Variants in CPPED1 observed in about 807,000 individuals in gnomAD.
The protein encoded by CPPED1 is calcineurin like phosphoesterase domain containing 1.
CPPED1 carries 28 observed loss-of-function variants against 28.0 expected under a neutral mutation model. The observed-to-expected ratio is 1.00, with a 90% CI of 0.74 to 1.37. CPPED1 has a LOEUF of 1.37. CPPED1 is among the 40% of genes most tolerant of loss of function. The pLI is 0.00. For synonymous variants in CPPED1, 198 were observed against 180.2 expected (o/e 1.10, Z -0.79); for missense variants, 504 against 416.5 (o/e 1.21, Z -1.83).
At chr16:12,730,674 A>G (rs2080192547) in intron 2 of CPPED1, among the ~76,000 whole-genome samples, 1 of 152,240 alleles carries the variant, frequency 6.6e-6, no homozygotes, top group Non-Finnish European at 1.5e-5. Flanking sequence ...ACATACAGCG[A>G]AAGAAGCCAG....
intron 1 of CPPED1, among the ~76,000 whole-genome samples, chr16:12,782,022 GGA>G: frequency 6.6e-6 from 1 of 152,110 alleles, no homozygotes; most frequent in East Asian, 1.9e-4. Context: ...AAAGGCAGTA[GGA>G]TGTGGGCATC....
At chr16:12,735,813 T>A (rs1323504452) in intron 2 of CPPED1, among the ~76,000 whole-genome samples, 1 of 152,306 alleles carries the variant, frequency 6.6e-6, no homozygotes, top group East Asian at 1.9e-4. Context: ...CCGTGAGAAG[T>A]CTCTCTCTGT....
intron 2 of CPPED1, among the ~76,000 whole-genome samples, chr16:12,758,645 T>G (rs2080388149): frequency 6.6e-6 from 1 of 152,168 alleles, no homozygotes; most frequent in Non-Finnish European, 1.5e-5. Context: ...ACCCAGACTC[T>G]TCACCATTAG....
chr16:12,719,065 G>A (rs2080123617), intron 2 of CPPED1, among the ~76,000 whole-genome samples: 1 of 152,064 alleles, frequency 6.6e-6, no homozygotes, highest in Non-Finnish European at 1.5e-5. Context: ...AAGGGAGAAT[G>A]AGAACCAAGA....
intron 3 of CPPED1, among the ~76,000 whole-genome samples, chr16:12,694,880 C>A (rs533591432): frequency 6.6e-6 from 1 of 151,986 alleles, no homozygotes; most frequent in Admixed American, 6.6e-5. Context: ...CAGCTTCAAG[C>A]GATTCTCCTG....
At chr16:12,767,286 C>A (rs908462615) in intron 2 of CPPED1, among the ~76,000 whole-genome samples, 1 of 152,134 alleles carries the variant, frequency 6.6e-6, no homozygotes, top group Non-Finnish European at 1.5e-5. Flanking sequence ...GACGTCTCAG[C>A]TCAAACAGGA....
chr16:12,779,843 T>C (rs1350810870), intron 2 of CPPED1, among the ~76,000 whole-genome samples: 1 of 152,100 alleles, frequency 6.6e-6, no homozygotes, highest in Admixed American at 6.5e-5. Context: ...AAGGTACAAC[T>C]AGCCCCAGAC....
chr16:12,677,653 A>G (rs991892548), intron 3 of CPPED1, among the ~76,000 whole-genome samples: 3 of 152,206 alleles, frequency 2.0e-5, no homozygotes, highest in Non-Finnish European at 4.4e-5. Context: ...AAAAAGAAAA[A>G]AGGAAGTGCC....
Position 12,781,260 on chromosome 16 carries a change from C to T in CPPED1, c.214G>A (p.Val72Ile), listed in dbSNP as rs78875866. The T allele has an allele frequency of 4.8e-4, 771 of 1,614,150 alleles. 17 individuals are homozygous for T. In the East Asian group the frequency reaches 0.015, roughly 31 times the overall value. The change falls in exon 2 of 4, where the codon GTC becomes ATC. Residue 72 changes from valine to isoleucine, a missense_variant. Transcript: ENST00000381774. ...EQEIRLTEQA[V>I]QAINKLNPKP... ...GGGTTCAGCTTGTTGATGGCCTGGACGGCTTGCTCAGTTAGACGGATCTCC... is the reference window on the plus strand; with the variant it reads ...GGGTTCAGCTTGTTGATGGCCTGGATGGCTTGCTCAGTTAGACGGATCTCC...
rs754051411 is a variant in CPPED1, at chr16:12,660,135, T to A, written c.*4751A>T. ...GGTGGAGACACAGAGCCAAACCATATCAAGCAGGAAGGCCACTTTCAGGGG... is the reference window on the plus strand; with the variant it reads ...GGTGGAGACACAGAGCCAAACCATAACAAGCAGGAAGGCCACTTTCAGGGG... On this transcript the variant is annotated 3_prime_UTR_variant, in exon 4 of 4. Transcript: ENST00000381774. 4 of 152,104 alleles carry A rather than the reference T, an allele frequency of 2.6e-5. No individual in the cohort carries two copies. The highest frequency in any genetic ancestry group is 5.9e-5 in the Non-Finnish European group (4 of 68,044). 9.4% of individuals were successfully genotyped at this position (152,104 alleles called of 1,614,324 possible).
At chr16:12,674,801 C>T (rs1016096739) in intron 3 of CPPED1, among the ~76,000 whole-genome samples, 7 of 152,148 alleles carry the variant, frequency 4.6e-5, no homozygotes, top group African/African-American at 1.4e-4. Flanking sequence ...ACCTTGGACC[C>T]ATTACTGACC....
At chr16:12,681,471 A>G (rs2079904552) in intron 3 of CPPED1, among the ~76,000 whole-genome samples, 1 of 152,178 alleles carries the variant, frequency 6.6e-6, no homozygotes, top group African/African-American at 2.4e-5. Context: ...ACCCAGGCTC[A>G]GGTATTCTGT....
intron 1 of CPPED1, among the ~76,000 whole-genome samples, chr16:12,783,774 T>C (rs2080546533): frequency 6.6e-6 from 1 of 152,166 alleles, no homozygotes; most frequent in African/African-American, 2.4e-5. Flanking sequence ...GAACAAATTG[T>C]ACATGTACAT....
At chr16:12,714,437 T>G (rs1406361691) in intron 2 of CPPED1, among the ~76,000 whole-genome samples, 1 of 152,218 alleles carries the variant, frequency 6.6e-6, no homozygotes, top group Non-Finnish European at 1.5e-5. Context: ...TGTTTCCACA[T>G]CCTCAACACT....
At chr16:12,720,578 C>T (rs528307619) in intron 2 of CPPED1, among the ~76,000 whole-genome samples, 1 of 152,326 alleles carries the variant, frequency 6.6e-6, no homozygotes, top group East Asian at 1.9e-4. Context: ...ACCTCTGCCT[C>T]CTGGATTCAA....
chr16:12,757,221 G>GT (rs1567298098), intron 2 of CPPED1, among the ~76,000 whole-genome samples: 1 of 152,170 alleles, frequency 6.6e-6, no homozygotes, highest in East Asian at 1.9e-4. Flanking sequence ...GGGCTGAGGG[G>GT]TTTCCCAGGA....
intron 3 of CPPED1, among the ~76,000 whole-genome samples, chr16:12,679,062 T>G (rs182962707): frequency 5.9e-5 from 9 of 152,242 alleles, no homozygotes; most frequent in Non-Finnish European, 1.2e-4. Context: ...TTTGAGAGTT[T>G]GATCAGTGAA....
chr16:12,777,442 C>A (rs2080504015), intron 2 of CPPED1, among the ~76,000 whole-genome samples: 1 of 152,126 alleles, frequency 6.6e-6, no homozygotes, highest in Non-Finnish European at 1.5e-5. Context: ...ACAAGAGTAA[C>A]CCTAAATTAA....
chr16:12,712,441 T>G (rs2080084937), intron 2 of CPPED1, among the ~76,000 whole-genome samples: 1 of 152,222 alleles, frequency 6.6e-6, no homozygotes, highest in Non-Finnish European at 1.5e-5. Context: ...AGCCAGCAGT[T>G]CCATTTATCA....
Sources: allele counts gnomAD v4.1 joint callset (sites outside exome capture counted in the v4.1 genomes callset), GRCh38; gene constraint gnomAD v4.1.1; transcripts MANE v1.5; gene names NCBI Gene and HGNC (gene_info 2026-07-23, HGNC 2026-07-21).